Variants in RHBDL2 observed in about 807,000 individuals in gnomAD.
RHBDL2 encodes the protein rhomboid-related protein 2.
In RHBDL2, 26 loss-of-function variants were observed where a neutral mutation model predicts 31.7. That is an observed-to-expected ratio of 0.82 (90% CI 0.60 to 1.14). RHBDL2 has a LOEUF of 1.14. RHBDL2 is among the 50% of genes most tolerant of loss of function. RHBDL2 has a pLI of 0.00. For synonymous variants in RHBDL2, 123 were observed against 127.2 expected, an observed-to-expected ratio of 0.97 and a Z score of 0.22; for missense variants, 336 against 364.4, an observed-to-expected ratio of 0.92 and a Z score of 0.63.
chr1:38,941,626 G>A (rs540676036), intron 1 of RHBDL2, 56 bp downstream of exon 1: 26 of 152,554 alleles, frequency 1.7e-4, no homozygotes, highest in African/African-American at 5.8e-4. Context: ...TCCTGCTGCC[G>A]CCCCCTTGTC....
intron 6 of RHBDL2, among the ~76,000 whole-genome samples, chr1:38,889,266 G>T (rs1297354824): frequency 2.0e-5 from 3 of 152,044 alleles, no homozygotes; most frequent in Non-Finnish European, 4.4e-5. Flanking sequence ...GTTAATTTTT[G>T]TATTTTTAGT....
At position 38,928,992 on chromosome 1, in the gene RHBDL2, A is replaced by C. The variant is rs566879064; in HGVS notation, c.-125-9655T>G. ...AGGCTGAGGCAGGAGGATCACTTGA[A>C]ACGGGGAGTTCAAGATTGCAGTGAG... On this transcript the variant is annotated intron_variant, in intron 1 of 7. Transcript: ENST00000372990. Among the ~76,000 whole-genome samples the C allele has an allele frequency of 1.8e-4, 28 of 152,236 alleles. 1 individual carries two copies. In the South Asian group the frequency reaches 2.5e-3, roughly 14 times the overall value.
At position 38,919,010 on chromosome 1, in the gene RHBDL2, C is replaced by A; in HGVS notation, c.203G>T (p.Cys68Phe). ...GATGATGAACACGGGAGGCGGGAAG[C>A]AGTTAGCTCTCTCCAAGTATGTTCC... is the stretch of plus-strand genomic sequence containing the variant. ...SRGTYLERAN[C>F]FPPPVFIISI... The change falls in exon 2 of 8, where the codon TGC becomes TTC. Residue 68 changes from cysteine to phenylalanine, a missense_variant. Transcript: ENST00000372990. 1.9e-6 allele frequency: 3 copies of A among 1,614,138 alleles called. No individual in the cohort carries two copies. The highest frequency in any genetic ancestry group is 2.5e-6 in the Non-Finnish European group (3 of 1,180,012).
chr1:38,901,967 G>C (rs1642996353), intron 4 of RHBDL2, among the ~76,000 whole-genome samples: 1 of 151,522 alleles, frequency 6.6e-6, no homozygotes, highest in African/African-American at 2.4e-5. Flanking sequence ...AGAAAAAGTA[G>C]ACAGAAAATC....
chr1:38,903,422 G>A (rs1195210238), intron 4 of RHBDL2, among the ~76,000 whole-genome samples: 4 of 152,222 alleles, frequency 2.6e-5, no homozygotes, highest in Admixed American at 6.6e-5. Flanking sequence ...TTACAGGCAT[G>A]AGCTACCACC....
At chr1:38,901,142 T>A (rs1352473041) in intron 4 of RHBDL2, among the ~76,000 whole-genome samples, 4 of 150,914 alleles carry the variant, frequency 2.7e-5, no homozygotes, top group African/African-American at 9.7e-5. Flanking sequence ...TCCAACTAGA[T>A]AAAATGTGTA....
intron 6 of RHBDL2, among the ~76,000 whole-genome samples, chr1:38,891,576 C>T (rs899355866): frequency 1.3e-5 from 2 of 152,206 alleles, no homozygotes; most frequent in Non-Finnish European, 2.9e-5. Flanking sequence ...CCTGCAGCAG[C>T]TCTGCTGCCT....
rs547458138 is a variant in RHBDL2 at position 38,920,170 on chromosome 1, T to C, written c.-125-833A>G. ...TTGGCTTCCTTCACATGTTTTCTTT[T>C]TTTTTTTTTTTTTTTGAGATGTAGT... On this transcript the variant is annotated intron_variant, in intron 1 of 7. Transcript: ENST00000372990. Among the ~76,000 whole-genome samples the C allele has an allele frequency of 9.1e-5, 13 of 143,300 alleles. No individual in the cohort carries two copies. The East Asian group carries it at 2.4e-3, about 26-fold the overall frequency. 94.0% of individuals were successfully genotyped at this position (143,300 alleles called of 152,430 possible).
chr1:38,904,498 T>C (rs1012113591), intron 4 of RHBDL2, among the ~76,000 whole-genome samples: 1 of 151,026 alleles, frequency 6.6e-6, no homozygotes, highest in Admixed American at 6.6e-5. Flanking sequence ...AAAAATTATT[T>C]GATATGACAC....
At chr1:38,897,228 G>A (rs1642929978) in intron 4 of RHBDL2, among the ~76,000 whole-genome samples, 1 of 151,904 alleles carries the variant, frequency 6.6e-6, no homozygotes, top group Admixed American at 6.6e-5. Context: ...AGCCTCCCGA[G>A]CAGCTGGGAC....
chr1:38,895,612 TG>T (rs532444826), intron 5 of RHBDL2, among the ~76,000 whole-genome samples: 1,632 of 152,244 alleles, frequency 0.011, 14 homozygotes, highest in Middle Eastern at 0.041. Context: ...GAGACCAGCC[TG>T]GGCAACATGG....
At chr1:38,918,800 G>A (rs1002560816) in intron 2 of RHBDL2, among the ~76,000 whole-genome samples, 167 bp downstream of exon 2, 5 of 152,084 alleles carry the variant, frequency 3.3e-5, no homozygotes, top group African/African-American at 7.2e-5. Context: ...AAGCCTCAAA[G>A]GCAGCTGTGG....
chr1:38,936,988 C>T (rs1643518014), intron 1 of RHBDL2, among the ~76,000 whole-genome samples: 1 of 147,844 alleles, frequency 6.8e-6, no homozygotes, highest in Non-Finnish European at 1.5e-5. Flanking sequence ...CACCCTGTCA[C>T]CCAGGCTGGA....
intron 4 of RHBDL2, among the ~76,000 whole-genome samples, chr1:38,898,901 CTT>C (rs1028965502): frequency 1.2e-4 from 18 of 152,168 alleles, no homozygotes; most frequent in African/African-American, 4.1e-4. Flanking sequence ...CTGGAAAACT[CTT>C]TTGTTTCCAC....
At chr1:38,937,422 T>C (rs1465873951) in intron 1 of RHBDL2, among the ~76,000 whole-genome samples, 1 of 152,152 alleles carries the variant, frequency 6.6e-6, no homozygotes, top group Admixed American at 6.6e-5. Flanking sequence ...GACAGAGGTG[T>C]AACTTTCTTA....
chr1:38,905,038 AT>A (rs1643045554), intron 4 of RHBDL2, among the ~76,000 whole-genome samples: 2 of 150,936 alleles, frequency 1.3e-5, no homozygotes, highest in South Asian at 4.2e-4. Flanking sequence ...CTCAAAAAAA[AT>A]AAAAATAAAA....
Position 38,919,322 on chromosome 1 carries a change from C to T in RHBDL2, c.-110G>A. ...CCTGGGCTGTCTGGCGCAACGACTG[C>T]TTTCCAAGGCCTTTCCTGTATGTGA... On this transcript the variant is annotated 5_prime_UTR_variant, in exon 2 of 8. Transcript: ENST00000372990. The T allele has an allele frequency of 6.3e-7, 1 of 1,599,450 alleles. No homozygotes were observed.
chr1:38,912,192 A>G (rs1643158069), intron 3 of RHBDL2, among the ~76,000 whole-genome samples: 1 of 151,878 alleles, frequency 6.6e-6, no homozygotes, highest in South Asian at 2.1e-4. Context: ...GCTGGCCTCA[A>G]ACTCCTGACC....
intron 1 of RHBDL2, among the ~76,000 whole-genome samples, chr1:38,933,025 C>T (rs1643455162): frequency 6.6e-6 from 1 of 152,154 alleles, no homozygotes; most frequent in African/African-American, 2.4e-5. Flanking sequence ...TGTATTAACT[C>T]TCGGCTTAAA....
Sources: gnomAD v4.1 joint callset for allele counts (sites outside exome capture counted in the v4.1 genomes callset) on GRCh38, gnomAD v4.1.1 for gene constraint, MANE v1.5 for transcripts, NCBI Gene and HGNC (gene_info 2026-07-23, HGNC 2026-07-21) for gene names.